SHROOM3: variants seen among roughly 807,000 people sequenced by gnomAD.
SHROOM3 encodes shroom family member 3.
SHROOM3 carries 47 observed loss-of-function variants against 138.6 expected under a neutral mutation model. The ratio of observed to expected loss-of-function variants is 0.34; its 90% CI spans 0.27 to 0.43. SHROOM3 has a LOEUF of 0.43. Ranked by LOEUF, SHROOM3 falls within the 20% of genes least tolerant of loss-of-function variation. The pLI, the probability that SHROOM3 is intolerant of heterozygous loss-of-function variation, is 1.00. For missense variants in SHROOM3, 2,491 were observed against 2,596.5 expected (o/e 0.96, Z 0.88); for synonymous variants, 1,062 against 1,063.3 (o/e 1.00, Z 0.02).
In SHROOM3 at chr4:76,770,658, G is replaced by A; in HGVS notation, c.5382G>A (p.Leu1794=). The change falls in exon 10 of 11, where the codon CTG becomes CTA. Residue 1794 remains leucine, a synonymous_variant. Transcript: ENST00000296043. ...AELIGSLTHK[L]ETLQEAKGSL... The stretch of plus-strand genomic sequence containing the variant: ...TCATTGGAAGTCTCACCCACAAGCT[G>A]GAGACCCTCCAGGAGGCGAAGGGGA... 6.2e-7 allele frequency: 1 copy of A among 1,614,122 alleles called. No individual in the cohort carries two copies. Among genetic ancestry groups the A allele is most frequent in the Non-Finnish European group, 8.5e-7 (1 of 1,180,032 alleles).
rs1362870324 is a variant in SHROOM3 at position 76,664,958 on chromosome 4, C to T, written c.324-45198C>T. Among the ~76,000 whole-genome samples the T allele has an allele frequency of 1.3e-5, 2 of 152,048 alleles. No homozygotes were observed. Among genetic ancestry groups the T allele is most frequent in the Admixed American group, 6.6e-5 (1 of 15,260 alleles). On this transcript the variant is annotated intron_variant, in intron 2 of 10. Coordinates refer to ENST00000296043, the MANE Select transcript of SHROOM3 (RefSeq NM_020859.4). The surrounding 1 kb of genome is among the most constrained non-coding windows in gnomAD (Gnocchi z 4.2). Reference sequence around the variant, plus strand: ...TTGAGCCCAGGAGTTTGAGACCAGCCTGGGCAACACAGTGAGACCACGTCT... The same window carrying T: ...TTGAGCCCAGGAGTTTGAGACCAGCTTGGGCAACACAGTGAGACCACGTCT...
chr4:76,675,570 A>G (rs918038385), intron 2 of SHROOM3, among the ~76,000 whole-genome samples: 1 of 152,130 alleles, frequency 6.6e-6, no homozygotes, highest in Non-Finnish European at 1.5e-5. Flanking sequence ...GTATATTATA[A>G]GTAGAGGCCA....
At chr4:76,638,390 CA>C (rs147441383) in intron 2 of SHROOM3, among the ~76,000 whole-genome samples, 31 of 148,404 alleles carry the variant, frequency 2.1e-4, no homozygotes, top group Admixed American at 3.3e-4. Context: ...CCTGTTTCAA[CA>C]AAAAAAAAAT....
At chr4:76,562,093 A>G (rs1018071797) in intron 2 of SHROOM3, among the ~76,000 whole-genome samples, 2 of 152,248 alleles carry the variant, frequency 1.3e-5, no homozygotes, top group African/African-American at 4.8e-5. Context: ...AACATTTTGA[A>G]TGAAGAGGTG....
intron 1 of SHROOM3, among the ~76,000 whole-genome samples, chr4:76,498,441 A>T (rs1264971230): frequency 1.3e-5 from 2 of 152,100 alleles, no homozygotes; most frequent in Non-Finnish European, 2.9e-5. Flanking sequence ...TAAATGGATG[A>T]TGATAGGAGG....
chr4:76,538,433 A>C (rs184847812), intron 1 of SHROOM3, among the ~76,000 whole-genome samples: 1 of 152,290 alleles, frequency 6.6e-6, no homozygotes, highest in Non-Finnish European at 1.5e-5. Context: ...CTGGAAGGAC[A>C]TCTGTGAGGA....
Position 76,754,432 on chromosome 4 carries a change from C to T in SHROOM3, c.3949C>T (p.Pro1317Ser), listed in dbSNP as rs1560615531. The change falls in exon 7 of 11, where the codon CCT becomes TCT. Residue 1317 changes from proline to serine, a missense_variant. Pro to Ser is a moderately conservative substitution (Grantham distance 74). Coordinates refer to ENST00000296043, the MANE Select transcript of SHROOM3 (RefSeq NM_020859.4). ...IGDSSVPSEC[P>S]GTLDHQRQAS... ...TGATTCCTCCGTTCCTAGTGAATGTCCTGGAACCCTGGACCATCAGAGGCA... is the reference window on the plus strand; with the variant it reads ...TGATTCCTCCGTTCCTAGTGAATGTTCTGGAACCCTGGACCATCAGAGGCA... 2 of 1,614,152 alleles carry T rather than the reference C, an allele frequency of 1.2e-6. No homozygotes were observed. The highest frequency in any genetic ancestry group is 1.7e-6 in the Non-Finnish European group (2 of 1,180,012).
chr4:76,597,340 G>A (rs1240363137), intron 2 of SHROOM3, among the ~76,000 whole-genome samples: 1 of 152,144 alleles, frequency 6.6e-6, no homozygotes, highest in Non-Finnish European at 1.5e-5. Flanking sequence ...TGAAGTCATA[G>A]ACAAAATCAA....
At chr4:76,748,678 C>A (rs563438002) in intron 5 of SHROOM3, among the ~76,000 whole-genome samples, 2 of 152,230 alleles carry the variant, frequency 1.3e-5, no homozygotes, top group South Asian at 4.1e-4. Context: ...AATTCATTGT[C>A]TTCGTTATCC....
At chr4:76,556,766 C>T (rs1469688789) in intron 2 of SHROOM3, among the ~76,000 whole-genome samples, 1 of 152,224 alleles carries the variant, frequency 6.6e-6, no homozygotes, top group African/African-American at 2.4e-5. Flanking sequence ...CATCATGCCA[C>T]AGATGGCCTC....
At chr4:76,685,279 C>T (rs898904204) in intron 2 of SHROOM3, among the ~76,000 whole-genome samples, 3 of 152,058 alleles carry the variant, frequency 2.0e-5, no homozygotes, top group Admixed American at 1.3e-4. Flanking sequence ...GGTGTCCAAT[C>T]TTTTGGCTTC....
At chr4:76,578,267 A>G (rs1221152554) in intron 2 of SHROOM3, among the ~76,000 whole-genome samples, 1 of 152,166 alleles carries the variant, frequency 6.6e-6, no homozygotes, top group Non-Finnish European at 1.5e-5. Context: ...TTACAAACTC[A>G]GTTTCCTTTA....
At chr4:76,702,969 C>T (rs1719946001) in intron 2 of SHROOM3, among the ~76,000 whole-genome samples, 1 of 152,036 alleles carries the variant, frequency 6.6e-6, no homozygotes, top group African/African-American at 2.4e-5. Flanking sequence ...ATTAAGCTTA[C>T]GGTTTCAGAA....
chr4:76,675,277 G>A (rs945776174), intron 2 of SHROOM3, among the ~76,000 whole-genome samples: 1 of 152,136 alleles, frequency 6.6e-6, no homozygotes, highest in Admixed American at 6.5e-5. Context: ...TGCTGGATAA[G>A]GGGACAAAAA....
chr4:76,589,277 G>A (rs559797870), intron 2 of SHROOM3, among the ~76,000 whole-genome samples: 3 of 152,194 alleles, frequency 2.0e-5, no homozygotes, highest in Non-Finnish European at 4.4e-5. Context: ...AGACCAGCCT[G>A]ACCAACATGG....
At chr4:76,672,283 G>A (rs1008019750) in intron 2 of SHROOM3, among the ~76,000 whole-genome samples, 7 of 151,980 alleles carry the variant, frequency 4.6e-5, no homozygotes, top group East Asian at 1.9e-4. Context: ...TAATATTTTC[G>A]GAGAGAAAAG....
At chr4:76,659,836 C>G (rs1475587190) in intron 2 of SHROOM3, among the ~76,000 whole-genome samples, 4 of 152,172 alleles carry the variant, frequency 2.6e-5, no homozygotes, top group Non-Finnish European at 5.9e-5. Flanking sequence ...CCCTTCTTGG[C>G]CTCCCAAAGT....
intron 2 of SHROOM3, among the ~76,000 whole-genome samples, chr4:76,704,649 G>A (rs1178156532): frequency 1.3e-5 from 2 of 152,238 alleles, no homozygotes; most frequent in East Asian, 1.9e-4. Flanking sequence ...CAGGAGCCAC[G>A]TCACCAGAGA....
intron 2 of SHROOM3, among the ~76,000 whole-genome samples, chr4:76,565,160 C>CAAAAAAAAAAAAAAAAAA (rs1166896258): frequency 8.1e-5 from 11 of 135,934 alleles, no homozygotes; most frequent in African/African-American, 3.1e-4. Context: ...GACTCCATTT[C>CAAAAAAAAAAAAAAAAAA]AAAAAAAAAA....
Sources: allele counts gnomAD v4.1 joint callset (sites outside exome capture counted in the v4.1 genomes callset), GRCh38; gene constraint gnomAD v4.1.1; non-coding constraint Gnocchi (gnomAD v3.1); transcripts MANE v1.5; gene names NCBI Gene and HGNC (gene_info 2026-07-23, HGNC 2026-07-21).